The following C12orf50 variants were observed in gnomAD, a reference collection of about 807,000 sequenced individuals.
The protein encoded by C12orf50 is zinc finger CCCH-type containing 11D.
A neutral mutation model predicts 61.6 loss-of-function variants in C12orf50; 35 were observed. That is an observed-to-expected ratio of 0.57 (90% confidence interval 0.43 to 0.75). C12orf50 has a LOEUF of 0.75. Among genes scored for constraint, C12orf50 ranks in the 30% least tolerant of loss-of-function variants. The pLI, the probability that C12orf50 is intolerant of heterozygous loss-of-function variation, is 0.00. For synonymous variants in C12orf50, 178 were observed against 161.5 expected (o/e 1.10, Z -0.77); for missense variants, 475 against 488.5 (o/e 0.97, Z 0.26).
rs2032734448 is a variant in C12orf50, at chr12:88,027,060, C to A, written c.-98G>T. ...GGCCTCTTCACAGTGTCGGAATCGG[C>A]ACTGGGAACCCTAAAAGAAAAAGTA... On this transcript the variant is annotated 5_prime_UTR_variant, in exon 2 of 13. Coordinates refer to ENST00000298699, the MANE Select transcript of C12orf50 (RefSeq NM_152589.3). The A allele has an allele frequency of 3.1e-6, 5 of 1,608,690 alleles. 1 individual carries two copies. The Admixed American group carries it at 8.5e-5, about 27-fold the overall frequency.
intron 3 of C12orf50, among the ~76,000 whole-genome samples, chr12:88,003,167 T>A (rs1193097852): frequency 6.6e-6 from 1 of 151,926 alleles, no homozygotes; most frequent in Non-Finnish European, 1.5e-5. Flanking sequence ...CTAATTCTCA[T>A]CATTTGTTCC....
intron 3 of C12orf50, among the ~76,000 whole-genome samples, chr12:88,011,208 GT>G (rs1317217962): frequency 6.6e-6 from 1 of 151,500 alleles, no homozygotes; most frequent in Admixed American, 6.6e-5. Flanking sequence ...GTGTATCAGA[GT>G]TTTTTTTAAG....
At chr12:88,001,777 T>G (rs76357911) in intron 3 of C12orf50, among the ~76,000 whole-genome samples, 7,552 of 151,634 alleles carry the variant, frequency 0.05, 596 homozygotes, top group African/African-American at 0.17. Flanking sequence ...TTTGTTGAAA[T>G]ATAGTTGTCC....
At chr12:87,989,516 T>G in intron 7 of C12orf50, 145 bp from the exon 8 acceptor site, 1 of 574,776 alleles carries the variant, frequency 1.7e-6, no homozygotes, top group South Asian at 2.3e-5. Context: ...CTCCATACAT[T>G]TATATGCTTA....
chr12:87,990,050 C>A (rs146223124), intron 7 of C12orf50, among the ~76,000 whole-genome samples: 1 of 152,104 alleles, frequency 6.6e-6, no homozygotes, highest in Non-Finnish European at 1.5e-5. Flanking sequence ...TGAAAACACA[C>A]GCCTAAATTG....
intron 3 of C12orf50, among the ~76,000 whole-genome samples, chr12:88,020,090 T>C (rs2032459512): frequency 1.3e-5 from 2 of 152,070 alleles, no homozygotes; most frequent in Admixed American, 1.3e-4. Flanking sequence ...AAAAACACAC[T>C]TAAGAATGCA....
chr12:88,000,714 A>G (rs1412464472), intron 3 of C12orf50, among the ~76,000 whole-genome samples: 1 of 151,696 alleles, frequency 6.6e-6, no homozygotes, highest in Non-Finnish European at 1.5e-5. Context: ...TTCTTTCAAC[A>G]ATCTTTTGTA....
intron 3 of C12orf50, among the ~76,000 whole-genome samples, chr12:88,002,762 C>T (rs1230679251): frequency 6.6e-6 from 1 of 151,480 alleles, no homozygotes; most frequent in Admixed American, 6.6e-5. Context: ...GTTTCATGTT[C>T]TGCTGTTTCT....
intron 3 of C12orf50, among the ~76,000 whole-genome samples, 197 bp downstream of exon 3, chr12:88,026,291 T>C (rs551643853): frequency 6.6e-6 from 1 of 152,326 alleles, no homozygotes; most frequent in East Asian, 1.9e-4. Context: ...TTGCTCTTTG[T>C]TCATTTCATC....
chr12:87,980,864 C>T (rs2030431399), intron 12 of C12orf50, among the ~76,000 whole-genome samples: 1 of 152,194 alleles, frequency 6.6e-6, no homozygotes, highest in Admixed American at 6.5e-5. Flanking sequence ...GAGGAACAGA[C>T]TCATGGCAGC....
chr12:88,007,348 C>G (rs573581695), intron 3 of C12orf50, among the ~76,000 whole-genome samples: 2 of 142,118 alleles, frequency 1.4e-5, no homozygotes, highest in Admixed American at 1.4e-4. Context: ...ACAACCTGCT[C>G]GTTCTGAATA....
At chr12:88,006,780 A>G (rs1029038833) in intron 3 of C12orf50, among the ~76,000 whole-genome samples, 2 of 152,182 alleles carry the variant, frequency 1.3e-5, no homozygotes, top group African/African-American at 4.8e-5. Flanking sequence ...CCCCCCAGAA[A>G]GGTACTATAG....
chr12:88,020,595 C>T (rs895879762), intron 3 of C12orf50, among the ~76,000 whole-genome samples: 34 of 152,202 alleles, frequency 2.2e-4, no homozygotes, highest in African/African-American at 8.2e-4. Context: ...TAGTGGGAGA[C>T]TTCAACACTC....
intron 3 of C12orf50, among the ~76,000 whole-genome samples, chr12:88,022,451 G>T (rs1369929114): frequency 6.6e-6 from 1 of 152,060 alleles, no homozygotes; most frequent in Non-Finnish European, 1.5e-5. Flanking sequence ...AAGAAGACAA[G>T]TATACCCTCT....
intron 3 of C12orf50, among the ~76,000 whole-genome samples, chr12:88,014,365 G>A (rs1276624603): frequency 3.3e-5 from 5 of 152,030 alleles, no homozygotes; most frequent in African/African-American, 7.2e-5. Context: ...GCAGTGGCGC[G>A]ATTTCGGCTC....
At chr12:87,984,536 A>G (rs1565737900) in intron 11 of C12orf50, 1 of 152,180 alleles carries the variant, frequency 6.6e-6, no homozygotes, top group Non-Finnish European at 1.5e-5. Context: ...TGTTCGCAGT[A>G]ATTGGTGTGA....
intron 3 of C12orf50, among the ~76,000 whole-genome samples, chr12:88,023,869 G>GA: frequency 6.6e-6 from 1 of 152,162 alleles, no homozygotes; most frequent in African/African-American, 2.4e-5. Flanking sequence ...TACAGAATGA[G>GA]AAAAAATATT....
At chr12:88,004,219 A>G (rs2031765247) in intron 3 of C12orf50, among the ~76,000 whole-genome samples, 1 of 152,118 alleles carries the variant, frequency 6.6e-6, no homozygotes, top group South Asian at 2.1e-4. Context: ...TATTATAATT[A>G]CTGCTTTAAA....
chr12:87,982,364 A>G (rs1180728807), intron 12 of C12orf50, among the ~76,000 whole-genome samples: 1 of 152,218 alleles, frequency 6.6e-6, no homozygotes, highest in African/African-American at 2.4e-5. Flanking sequence ...TATCCCCAGT[A>G]TATAAACATA....
Sources: gnomAD v4.1 joint callset for allele counts (sites outside exome capture counted in the v4.1 genomes callset) on GRCh38, gnomAD v4.1.1 for gene constraint, MANE v1.5 for transcripts, NCBI Gene and HGNC (gene_info 2026-07-23, HGNC 2026-07-21) for gene names.